GPR176: variants seen among roughly 807,000 people sequenced by gnomAD.
The protein encoded by GPR176 is G-protein coupled receptor 176.
In GPR176, 26 loss-of-function variants were observed where a neutral mutation model predicts 35.4. The observed-to-expected ratio is 0.74, with a 90% CI of 0.54 to 1.02. GPR176 has a LOEUF of 1.02. GPR176 is among the 50% of genes least tolerant of loss of function. The pLI, the probability that GPR176 is intolerant of heterozygous loss-of-function variation, is 0.00. For missense variants in GPR176, 597 were observed against 665.3 expected (o/e 0.90, Z 1.13); for synonymous variants, 278 against 271.3 (o/e 1.02, Z -0.24).
chr15:39,907,863 T>C (rs1296195485), intron 1 of GPR176, among the ~76,000 whole-genome samples: 1 of 152,184 alleles, frequency 6.6e-6, no homozygotes, highest in African/African-American at 2.4e-5. Flanking sequence ...CGTATGCCTG[T>C]AATCCCAGCT....
At chr15:39,858,036 C>T (rs1307557797) in intron 1 of GPR176, among the ~76,000 whole-genome samples, 1 of 150,784 alleles carries the variant, frequency 6.6e-6, no homozygotes, top group East Asian at 2.0e-4. Flanking sequence ...GTACTGAAAT[C>T]TCCAGCTCTA....
intron 1 of GPR176, among the ~76,000 whole-genome samples, chr15:39,855,000 A>C (rs540594968): frequency 1.3e-5 from 2 of 151,188 alleles, no homozygotes; most frequent in South Asian, 2.1e-4. Context: ...GCAGTCAGCT[A>C]TGATCATGCC....
chr15:39,902,158 A>G (rs1332114216), intron 1 of GPR176, among the ~76,000 whole-genome samples: 5 of 152,182 alleles, frequency 3.3e-5, no homozygotes, highest in African/African-American at 1.2e-4. Flanking sequence ...GTGAAACTCA[A>G]TAATTTGCAT....
intron 1 of GPR176, among the ~76,000 whole-genome samples, chr15:39,881,745 T>A (rs568990459): frequency 5.9e-5 from 9 of 152,344 alleles, no homozygotes; most frequent in Admixed American, 5.9e-4. Context: ...CTCATTACAG[T>A]ATAAACATAG....
At chr15:39,829,124 A>T in intron 1 of GPR176, 1 of 1,432,140 alleles carries the variant, frequency 7.0e-7, no homozygotes, top group East Asian at 2.5e-5. Flanking sequence ...GCATTCAGAC[A>T]GAAGCAGTTG....
intron 1 of GPR176, among the ~76,000 whole-genome samples, chr15:39,895,440 G>C (rs2033085770): frequency 6.6e-6 from 1 of 152,166 alleles, no homozygotes; most frequent in Non-Finnish European, 1.5e-5. Context: ...ACAATGAACA[G>C]TTGGGCCAAG....
chr15:39,901,472 G>A (rs769244029), intron 1 of GPR176, among the ~76,000 whole-genome samples: 32 of 152,240 alleles, frequency 2.1e-4, no homozygotes, highest in Middle Eastern at 3.4e-3. Flanking sequence ...GGGTAGGACT[G>A]GTACCAATAA....
intron 1 of GPR176, among the ~76,000 whole-genome samples, chr15:39,852,492 C>G (rs941880590): frequency 7.2e-5 from 11 of 152,170 alleles, no homozygotes; most frequent in African/African-American, 2.7e-4. Context: ...GAAAACGAGT[C>G]TGAATAACTC....
intron 1 of GPR176, among the ~76,000 whole-genome samples, chr15:39,901,801 C>T (rs943748742): frequency 6.6e-6 from 1 of 151,912 alleles, no homozygotes; most frequent in Non-Finnish European, 1.5e-5. Flanking sequence ...AGGCCTGGCA[C>T]GGTGGCTCAC....
At chr15:39,899,304 C>T (rs1238197470) in intron 1 of GPR176, among the ~76,000 whole-genome samples, 1 of 152,182 alleles carries the variant, frequency 6.6e-6, no homozygotes, top group Non-Finnish European at 1.5e-5. Flanking sequence ...GCTTCCAGTT[C>T]AAGGGAATCA....
chr15:39,826,454 C>T (rs1900658256), intron 1 of GPR176, among the ~76,000 whole-genome samples: 1 of 152,072 alleles, frequency 6.6e-6, no homozygotes, highest in Admixed American at 6.6e-5. Flanking sequence ...GAAAGGGGGA[C>T]CACTGAGAAA....
intron 1 of GPR176, among the ~76,000 whole-genome samples, chr15:39,832,654 A>AACACACACAC (rs112693906): frequency 0.15 from 21,845 of 145,000 alleles, 1,808 homozygotes; most frequent in East Asian, 0.25. Flanking sequence ...TGATGAGCTA[A>AACACACACAC]ACACACACAC....
intron 1 of GPR176, among the ~76,000 whole-genome samples, chr15:39,879,211 T>C (rs2032377175): frequency 6.6e-6 from 1 of 152,220 alleles, no homozygotes. Flanking sequence ...CCCAGGTCCA[T>C]AAAGTAGGTT....
At chr15:39,812,146 CTT>C (rs1404241654) in intron 1 of GPR176, among the ~76,000 whole-genome samples, 1 of 152,090 alleles carries the variant, frequency 6.6e-6, no homozygotes, top group Non-Finnish European at 1.5e-5. Flanking sequence ...ATATAAGAAT[CTT>C]ATAACAGTAT....
intron 1 of GPR176, among the ~76,000 whole-genome samples, chr15:39,890,616 T>C (rs1291459751): frequency 1.3e-5 from 2 of 152,238 alleles, no homozygotes; most frequent in Non-Finnish European, 2.9e-5. Flanking sequence ...ATTTATTATG[T>C]GCCAAGCTCT....
intron 1 of GPR176, among the ~76,000 whole-genome samples, chr15:39,884,690 C>T (rs797012989): frequency 1.3e-4 from 20 of 152,204 alleles, no homozygotes; most frequent in African/African-American, 4.3e-4. Context: ...GTGTTGTATA[C>T]CAGGCAGAAG....
At chr15:39,913,801 C>A (rs534822600) in intron 1 of GPR176, among the ~76,000 whole-genome samples, 1 of 152,220 alleles carries the variant, frequency 6.6e-6, no homozygotes, top group Non-Finnish European at 1.5e-5. Context: ...AATCCCAGCA[C>A]TTTGGGAGGC....
At position 39,859,318 on chromosome 15, in the gene GPR176, C is replaced by T. The variant is rs1009059881; in HGVS notation, c.173-52060G>A. Among the ~76,000 whole-genome samples, 3 of 151,402 alleles carry T rather than the reference C, an allele frequency of 2.0e-5. No homozygotes were observed. In the East Asian group the frequency reaches 5.8e-4, roughly 29 times the overall value. On this transcript the variant is annotated intron_variant, in intron 1 of 2. Coordinates refer to ENST00000561100, the MANE Select transcript of GPR176 (RefSeq NM_007223.3). ...TAAAAAATTCCTAACAACACAACAA[C>T]AAAAATAACCTGATTAAAAAAAGGA...
chr15:39,848,554 T>C (rs970563970), intron 1 of GPR176, among the ~76,000 whole-genome samples: 2 of 152,138 alleles, frequency 1.3e-5, no homozygotes, highest in South Asian at 2.1e-4. Context: ...AGATAAAGTA[T>C]ATCTATGGCC....
Sources: gnomAD v4.1 joint callset for allele counts (sites outside exome capture counted in the v4.1 genomes callset) on GRCh38, gnomAD v4.1.1 for gene constraint, MANE v1.5 for transcripts, NCBI Gene and HGNC (gene_info 2026-07-23, HGNC 2026-07-21) for gene names.